The following HOXD13 variants were observed in gnomAD, a reference collection of about 807,000 sequenced individuals.
HOXD13 encodes the protein homeobox D13, also known as homeobox protein Hox-D13.
HOXD13 carries 16 observed loss-of-function variants against 27.3 expected under a neutral mutation model. The observed-to-expected ratio is 0.59, with a 90% confidence interval of 0.40 to 0.89. The LOEUF is 0.89. Among genes scored for constraint, HOXD13 ranks in the 40% least tolerant of loss-of-function variants. The pLI, the probability that HOXD13 is intolerant of heterozygous loss-of-function variation, is 0.00. For synonymous variants in HOXD13, 241 were observed against 219.0 expected (o/e 1.10, Z -0.89); for missense variants, 481 against 482.6 (o/e 1.00, Z 0.03).
Position 176,092,907 on chromosome 2 carries a change from G to C in HOXD13, c.17G>C (p.Ser6Thr). Residue 6 changes from serine to threonine, a missense_variant, in exon 1 of 2, where the codon AGC becomes ACC. Ser to Thr is a moderately conservative substitution (Grantham distance 58, BLOSUM62 1). Coordinates refer to ENST00000392539, the MANE Select transcript of HOXD13 (RefSeq NM_000523.4). The stretch of plus-strand genomic sequence containing the variant: ...GGCCGGGCCATGAGCCGCGCCGGGA[G>C]CTGGGACATGGACGGGCTGCGGGCA... The part of the protein sequence containing the change: MSRAG[S>T]WDMDGLRADG... The C allele has an allele frequency of 7.7e-7, 1 of 1,301,910 alleles. No homozygotes were observed. 80.6% of individuals were successfully genotyped at this position (1,301,910 alleles called of 1,614,324 possible).
chr2:176,094,124 G>GT (rs910056278), intron 1 of HOXD13, among the ~76,000 whole-genome samples: 8 of 152,130 alleles, frequency 5.3e-5, no homozygotes, highest in Non-Finnish European at 1.2e-4. Context: ...ACCTGAGTTG[G>GT]TATGTGTCTA....
upstream of HOXD13, among the ~76,000 whole-genome samples, chr2:176,090,281 A>G (rs958632082): frequency 3.3e-5 from 5 of 152,284 alleles, no homozygotes; most frequent in Non-Finnish European, 1.5e-5. Context: ...AAAGCTCCTA[A>G]TTCAAAATCT....
In HOXD13 at chr2:176,094,587, A is replaced by G. The variant is rs372343718; in HGVS notation, c.889A>G (p.Ile297Val). ...QLKELENEYAINKFINKDKRR... is the reference protein window; with the variant it reads ...QLKELENEYAVNKFINKDKRR... ...TAAAGAACTGGAGAACGAGTATGCC[A>G]TTAACAAATTCATTAACAAGGACAA... The change falls in exon 2 of 2, where the codon ATT becomes GTT. Residue 297 changes from isoleucine to valine, a missense_variant. Physicochemically the swap from Ile to Val is conservative, Grantham distance 29. Coordinates refer to ENST00000392539, the MANE Select transcript of HOXD13 (RefSeq NM_000523.4). The G allele has an allele frequency of 1.1e-5, 18 of 1,614,192 alleles. No homozygotes were observed. Among genetic ancestry groups the G allele is most frequent in the Non-Finnish European group, 1.5e-5 (18 of 1,180,000 alleles).
Position 176,094,960 on chromosome 2 carries a change from G to A in HOXD13, c.*230G>A. 1 of 541,700 alleles carries A rather than the reference G, an allele frequency of 1.8e-6. No homozygotes were observed. Among genetic ancestry groups the A allele is most frequent in the East Asian group, 3.1e-5 (1 of 32,440 alleles). The allele number at this position is 541,700 out of a possible 1,614,324, so 33.6% of individuals were successfully genotyped here. On this transcript the variant is annotated 3_prime_UTR_variant, in exon 2 of 2. Coordinates refer to ENST00000392539, the MANE Select transcript of HOXD13 (RefSeq NM_000523.4). ...TATTATTGGTTTTGTTCTTGCCTAG[G>A]GTTTTTAAAATATCTGTTTTTAATG...
At position 176,095,028 on chromosome 2, in the gene HOXD13, T is replaced by G. The variant is rs561764210; in HGVS notation, c.*298T>G. ...GGCCAGTATAAAGGGACTTGAAGTATTTTTTAATAATCCGCCCCCCAATGA... is the reference window on the plus strand; with the variant it reads ...GGCCAGTATAAAGGGACTTGAAGTAGTTTTTAATAATCCGCCCCCCAATGA... On this transcript the variant is annotated 3_prime_UTR_variant, in exon 2 of 2. Transcript: ENST00000392539. 5.9e-4 allele frequency: 235 copies of G among 395,942 alleles called. No homozygotes were observed. The highest frequency in any genetic ancestry group is 9.7e-4 in the Non-Finnish European group (211 of 216,726). The allele number at this position is 395,942 out of a possible 1,614,324, so 24.5% of individuals were successfully genotyped here.
chr2:176,093,022 C>T lies in HOXD13; in HGVS notation c.132C>T (p.Leu44=), dbSNP rs1488377398. The change falls in exon 1 of 2, where the codon CTC becomes CTT. Residue 44 remains leucine (L), a synonymous_variant. Coordinates refer to ENST00000392539, the MANE Select transcript of HOXD13 (RefSeq NM_000523.4). ...CGTCAGGCCAGTGCCGCGGCTTTCT[C>T]TCCGCGCCTGTGTTCGCCGGGACGC... The part of the protein sequence containing the change: ...AAASGQCRGF[L]SAPVFAGTHS... The T allele has an allele frequency of 5.8e-6, 8 of 1,387,006 alleles. No homozygotes were observed. Among genetic ancestry groups the T allele is most frequent in the Non-Finnish European group, 7.4e-6 (8 of 1,077,998 alleles). 85.9% of individuals were successfully genotyped at this position (1,387,006 alleles called of 1,614,324 possible).
At chr2:176,088,878 G>C (rs1035372842), upstream of HOXD13, among the ~76,000 whole-genome samples, 3 of 152,174 alleles carry the variant, frequency 2.0e-5, no homozygotes, top group African/African-American at 7.2e-5. Context: ...CCACCCTCCT[G>C]CGTCCCTTTC....
chr2:176,093,738 AAG>A, intron 1 of HOXD13, 67 bp downstream of exon 1: 1 of 1,066,506 alleles, frequency 9.4e-7, no homozygotes, highest in South Asian at 1.5e-5. Context: ...AGAAAGGACT[AAG>A]AGTATGCGCC....
In HOXD13 at chr2:176,092,870, G is replaced by A. The variant is rs774883281; in HGVS notation, c.-21G>A. On this transcript the variant is annotated 5_prime_UTR_variant, in exon 1 of 2. Coordinates refer to ENST00000392539, the MANE Select transcript of HOXD13 (RefSeq NM_000523.4). ...CCTGCGCGGGGCCAGGGCCAGGGCC[G>A]GGGCCGGGCCAGGCCGGGCCATGAG... is the stretch of plus-strand genomic sequence containing the variant. 1,404 of 1,220,924 alleles carry A rather than the reference G, an allele frequency of 1.1e-3. 1 individual carries two copies. Among genetic ancestry groups the A allele is most frequent in the Non-Finnish European group, 1.3e-3 (1,280 of 980,722 alleles). The allele number at this position is 1,220,924 out of a possible 1,614,324, so 75.6% of individuals were successfully genotyped here. A position where few individuals can be genotyped will look rare whatever the true frequency, so the allele number is the denominator to read the frequency against.
intron 1 of HOXD13, 100 bp from the exon 2 acceptor site, chr2:176,094,380 C>T: frequency 7.1e-7 from 1 of 1,414,068 alleles, no homozygotes; most frequent in Non-Finnish European, 9.9e-7. Flanking sequence ...TGCACCCCTG[C>T]AAACGCACAC....
chr2:176,090,187 T>C (rs554069547), upstream of HOXD13, among the ~76,000 whole-genome samples: 2 of 152,226 alleles, frequency 1.3e-5, no homozygotes, highest in South Asian at 4.1e-4. Context: ...TCAGACCCCC[T>C]TTCCTCAGGG....
rs1442162639 is a variant in HOXD13 at position 176,092,900 on chromosome 2, G to A, written c.10G>A (p.Ala4Thr). Residue 4 changes from alanine to threonine, a missense_variant, in exon 1 of 2, where the codon GCC becomes ACC. By Grantham distance (58) the Ala-to-Thr change is moderately conservative. Coordinates refer to ENST00000392539, the MANE Select transcript of HOXD13 (RefSeq NM_000523.4). ...CGGGCCAGGCCGGGCCATGAGCCGC[G>A]CCGGGAGCTGGGACATGGACGGGCT... Reference protein sequence around the residue: MSRAGSWDMDGLRA... With the variant: MSRTGSWDMDGLRA... 1 of 1,282,680 alleles carries A rather than the reference G, an allele frequency of 7.8e-7. No homozygotes were observed. Among genetic ancestry groups the A allele is most frequent in the Middle Eastern group, 2.9e-4 (1 of 3,416 alleles). 79.5% of individuals were successfully genotyped at this position (1,282,680 alleles called of 1,614,324 possible). A position where few individuals can be genotyped will look rare whatever the true frequency, so the allele number is the denominator to read the frequency against.
In HOXD13 at chr2:176,095,674, T is replaced by G. The variant is rs1057219081; in HGVS notation, c.*944T>G. The G allele has an allele frequency of 4.0e-5, 9 of 227,812 alleles. No homozygotes were observed. Among genetic ancestry groups the G allele is most frequent in the African/African-American group, 2.0e-4 (9 of 44,972 alleles). 14.1% of individuals were successfully genotyped at this position (227,812 alleles called of 1,614,324 possible). A position where few individuals can be genotyped will look rare whatever the true frequency, so the allele number is the denominator to read the frequency against. On this transcript the variant is annotated 3_prime_UTR_variant, in exon 2 of 2. Transcript: ENST00000392539. The stretch of plus-strand genomic sequence containing the variant: ...CAGAACCCAATGAAGAACTTGACTG[T>G]CTAAACAAGGGGGCCTCGCATGGAG...
upstream of HOXD13, among the ~76,000 whole-genome samples, chr2:176,088,512 G>A (rs1268316963): frequency 1.3e-5 from 2 of 152,244 alleles, no homozygotes; most frequent in Non-Finnish European, 2.9e-5. Context: ...GCGCGCCGCC[G>A]GGCCGGGAAG....
chr2:176,092,615 AC>A (rs1310980448), upstream of HOXD13, among the ~76,000 whole-genome samples: 1 of 151,934 alleles, frequency 6.6e-6, no homozygotes, highest in Non-Finnish European at 1.5e-5. Context: ...AGCCAATGGC[AC>A]GCCCCCGGCG....
In HOXD13 at chr2:176,093,507, A is replaced by G. The variant is rs147720746; in HGVS notation, c.617A>G (p.Tyr206Cys). ...AGCCCTTACCAGCACGTGCCCGGCT[A>G]TATCGACATGGTGTCCACTTTCGGC... ...YTSPYQHVPG[Y>C]IDMVSTFGSG... The change falls in exon 1 of 2, where the codon TAT becomes TGT. Residue 206 changes from tyrosine to cysteine, a missense_variant. Physicochemically the swap from Tyr to Cys is radical, Grantham distance 194 (BLOSUM62 -2). Transcript: ENST00000392539. The G allele has an allele frequency of 7.8e-4, 1,253 of 1,614,032 alleles. 5 individuals are homozygous for G. The highest frequency in any genetic ancestry group is 6.6e-4 in the Non-Finnish European group (778 of 1,180,024).
chr2:176,092,996 G>A lies in HOXD13; in HGVS notation c.106G>A (p.Ala36Thr). The change falls in exon 1 of 2, where the codon GCG (alanine) becomes ACG (threonine). Residue 36 changes from alanine to threonine, a missense_variant. Coordinates refer to ENST00000392539, the MANE Select transcript of HOXD13 (RefSeq NM_000523.4). Reference protein sequence around the residue: ...SSSSSVAAAAASGQCRGFLSA... With the variant: ...SSSSSVAAAATSGQCRGFLSA... ...CTCCTCATCGGTGGCGGCGGCGGCG[G>A]CGTCAGGCCAGTGCCGCGGCTTTCT... is the stretch of plus-strand genomic sequence containing the variant. 1 of 1,354,204 alleles carries A rather than the reference G, an allele frequency of 7.4e-7. No homozygotes were observed. The allele number at this position is 1,354,204 out of a possible 1,614,324, so 83.9% of individuals were successfully genotyped here.
chr2:176,092,576 C>T (rs1253756685), upstream of HOXD13, among the ~76,000 whole-genome samples: 3 of 152,030 alleles, frequency 2.0e-5, no homozygotes, highest in South Asian at 6.2e-4. Flanking sequence ...CAGGCTCCCC[C>T]GCGTTCCTAC....
rs1391474331 is a variant in HOXD13, at chr2:176,095,360, C to A, written c.*630C>A. 2 of 228,120 alleles carry A rather than the reference C, an allele frequency of 8.8e-6. No homozygotes were observed. The highest frequency in any genetic ancestry group is 1.7e-5 in the Non-Finnish European group (2 of 114,752). The allele number at this position is 228,120 out of a possible 1,614,324, so 14.1% of individuals were successfully genotyped here. On this transcript the variant is annotated 3_prime_UTR_variant, in exon 2 of 2. Transcript: ENST00000392539. ...ATTGAAATGAAGACAATCTTTCCAA[C>A]TTTGGGTGTTTCACTTGCTGTTTTA...
Sources: allele counts gnomAD v4.1 joint callset (sites outside exome capture counted in the v4.1 genomes callset), GRCh38; gene constraint gnomAD v4.1.1; transcripts MANE v1.5; gene names NCBI Gene and HGNC (gene_info 2026-07-23, HGNC 2026-07-21).